Variants in TMEM234 observed in about 807,000 individuals in gnomAD.
TMEM234 encodes transmembrane protein 234, also known as chromosome 1 open reading frame 91.
TMEM234 carries 21 observed loss-of-function variants against 17.8 expected under a neutral mutation model. The observed-to-expected ratio is 1.18, with a 90% CI of 0.84 to 1.70. The LOEUF (loss-of-function observed/expected upper bound fraction) is 1.70. Among genes scored for constraint, TMEM234 ranks in the 40% most tolerant of loss-of-function variants. The pLI, the probability that TMEM234 is intolerant of heterozygous loss-of-function variation, is 0.00. For synonymous variants in TMEM234, 83 were observed against 73.5 expected, an observed-to-expected ratio of 1.13 and a Z score of -0.66; for missense variants, 137 against 166.9, an observed-to-expected ratio of 0.82 and a Z score of 0.99.
chr1:32,221,261 G>T, intron 2 of TMEM234, 64 bp from the exon 3 acceptor site: 1 of 1,292,736 alleles, frequency 7.7e-7, no homozygotes, highest in Non-Finnish European at 1.1e-6. Flanking sequence ...CCTTCTTTGA[G>T]CTCCTAGCGA....
Position 32,222,314 on chromosome 1 carries a change from C to T in TMEM234, c.9G>A (p.Ala3=), listed in dbSNP as rs1182953810. The T allele has an allele frequency of 2.6e-6, 4 of 1,561,806 alleles. No homozygotes were observed. The highest frequency in any genetic ancestry group is 2.6e-6 in the Non-Finnish European group (3 of 1,153,620). ...GCGGGGCCGGCTACCTACCCAGAGACGCCGCCATGGCAACGCCGCTGTCTT... is the reference window on the plus strand; with the variant it reads ...GCGGGGCCGGCTACCTACCCAGAGATGCCGCCATGGCAACGCCGCTGTCTT... The part of the protein sequence containing the change: MA[A]SLGQVLALVL... The change falls in exon 1 of 5, where the codon GCG becomes GCA. Residue 3 remains alanine (A), a synonymous_variant. Coordinates refer to ENST00000309777, the MANE Select transcript of TMEM234 (RefSeq NM_019118.5).
At chr1:32,215,875 C>G (rs1348276936), downstream of TMEM234, 4 of 1,551,928 alleles carry the variant, frequency 2.6e-6, no homozygotes, top group Non-Finnish European at 3.5e-6. Context: ...ATCTCAGCCT[C>G]AGCCCCAGCT....
chr1:32,216,331 G>A lies in TMEM234; in HGVS notation c.*522C>T, dbSNP rs1638377623. On this transcript the variant is annotated 3_prime_UTR_variant, in exon 5 of 5. Transcript: ENST00000309777. ...GGATTTCTGCCTACCTCATGGGTGG[G>A]GCAGGCAAGGCTAATAGACAGCTCA... The A allele has an allele frequency of 1.3e-6, 2 of 1,532,916 alleles. No individual in the cohort carries two copies. The highest frequency in any genetic ancestry group is 1.8e-6 in the Non-Finnish European group (2 of 1,136,604). 95.0% of individuals were successfully genotyped at this position (1,532,916 alleles called of 1,614,324 possible).
intron 3 of TMEM234, among the ~76,000 whole-genome samples, chr1:32,217,756 C>T (rs928343241): frequency 2.0e-5 from 3 of 152,186 alleles, no homozygotes; most frequent in African/African-American, 7.2e-5. Flanking sequence ...GTGTACATAT[C>T]TCAGTTTTCA....
chr1:32,216,623 G>A lies in TMEM234; in HGVS notation c.*230C>T, dbSNP rs1213379267. On this transcript the variant is annotated 3_prime_UTR_variant, in exon 5 of 5. Coordinates refer to ENST00000309777, the MANE Select transcript of TMEM234 (RefSeq NM_019118.5). ...CTGGGGCAGAAAGGTTGCTGAGGGT[G>A]AGCGTAGAGTCTCCTGTGCTAAATC... The A allele has an allele frequency of 6.5e-7, 1 of 1,531,728 alleles. No homozygotes were observed. Among genetic ancestry groups the A allele is most frequent in the Non-Finnish European group, 8.8e-7 (1 of 1,134,188 alleles). 94.9% of individuals were successfully genotyped at this position (1,531,728 alleles called of 1,614,324 possible). A position where few individuals can be genotyped will look rare whatever the true frequency, so the allele number is the denominator to read the frequency against.
chr1:32,221,837 C>G (rs371189310), intron 2 of TMEM234, 30 bp downstream of exon 2: 24 of 1,611,564 alleles, frequency 1.5e-5, no homozygotes, highest in African/African-American at 1.5e-4. Context: ...GGCAACTCCA[C>G]CGAGAGAGGG....
Position 32,216,734 on chromosome 1 carries a change from T to C in TMEM234, c.*119A>G. On this transcript the variant is annotated 3_prime_UTR_variant, in exon 5 of 5. Coordinates refer to ENST00000309777, the MANE Select transcript of TMEM234 (RefSeq NM_019118.5). ...ATCCATGAGGTAGCTGTTATCCCCA[T>C]AAGAGAGGAGGAAGCTAAGGCCAGA... The C allele has an allele frequency of 6.6e-7, 1 of 1,517,922 alleles. No homozygotes were observed. The highest frequency in any genetic ancestry group is 1.3e-5 in the South Asian group (1 of 79,042). The allele number at this position is 1,517,922 out of a possible 1,614,324, so 94.0% of individuals were successfully genotyped here.
intron 2 of TMEM234, among the ~76,000 whole-genome samples, 165 bp downstream of exon 2, chr1:32,221,702 T>C (rs917387021): frequency 2.6e-5 from 4 of 152,130 alleles, no homozygotes; most frequent in Non-Finnish European, 4.4e-5. Flanking sequence ...ATGGTTATTA[T>C]TATAATCGCC....
chr1:32,220,262 C>T (rs938788790), intron 3 of TMEM234, among the ~76,000 whole-genome samples: 3 of 152,168 alleles, frequency 2.0e-5, no homozygotes, highest in African/African-American at 4.8e-5. Context: ...CTGCAACCTC[C>T]GCCTCCCAGG....
In TMEM234 at chr1:32,216,359, T is replaced by C. The variant is rs1232532530; in HGVS notation, c.*494A>G. ...AGGCAAGGCTAATAGACAGCTCATT[T>C]CCTGCATCTGCCACTCCGACGCACC... On this transcript the variant is annotated 3_prime_UTR_variant, in exon 5 of 5. Transcript: ENST00000309777. The C allele has an allele frequency of 6.5e-7, 1 of 1,549,008 alleles. No homozygotes were observed. The highest frequency in any genetic ancestry group is 2.4e-5 in the East Asian group (1 of 40,878).
At chr1:32,215,774 A>G, downstream of TMEM234, 1 of 1,520,110 alleles carries the variant, frequency 6.6e-7, no homozygotes, top group East Asian at 2.5e-5. Context: ...TCACGGCTCC[A>G]TTCTGTATGG....
At position 32,216,461 on chromosome 1, in the gene TMEM234, G is replaced by T; in HGVS notation, c.*392C>A. 1 of 1,551,700 alleles carries T rather than the reference G, an allele frequency of 6.4e-7. No individual in the cohort carries two copies. The highest frequency in any genetic ancestry group is 1.2e-5 in the South Asian group (1 of 84,060). On this transcript the variant is annotated 3_prime_UTR_variant, in exon 5 of 5. Coordinates refer to ENST00000309777, the MANE Select transcript of TMEM234 (RefSeq NM_019118.5). The stretch of plus-strand genomic sequence containing the variant: ...CAGAGGCCTCCCGTTTGCATTTCTG[G>T]CTCAAAGTCTGCAGCTGGCCCTTTC...
Position 32,216,934 on chromosome 1 carries a change from G to T in TMEM234, c.342C>A (p.Gly114=). ...EDIGGKRAVA[G]MVLTVIGISL... is the part of the protein sequence containing the mutation. ...AAATTCCTATCACGGTGAGCACCAT[G>T]CCAGCAACTGCTCCTGGGATAATAG... The change falls in exon 5 of 5, where the codon GGC becomes GGA. Residue 114 remains glycine, a synonymous_variant. Transcript: ENST00000309777. The T allele has an allele frequency of 6.2e-7, 1 of 1,614,154 alleles. No homozygotes were observed. The highest frequency in any genetic ancestry group is 8.5e-7 in the Non-Finnish European group (1 of 1,179,990).
At chr1:32,221,515 GC>G (rs1180545477) in intron 2 of TMEM234, among the ~76,000 whole-genome samples, 1 of 152,062 alleles carries the variant, frequency 6.6e-6, no homozygotes, top group African/African-American at 2.4e-5. Flanking sequence ...CCCCTGCAGG[GC>G]CAATTTGAGC....
At chr1:32,219,131 C>T (rs1367739044) in intron 3 of TMEM234, among the ~76,000 whole-genome samples, 3 of 141,720 alleles carry the variant, frequency 2.1e-5, no homozygotes, top group Non-Finnish European at 4.6e-5. Flanking sequence ...AAAAAAAAAG[C>T]ACCACATACA....
At chr1:32,214,761 A>G (rs1638248504), downstream of TMEM234, 1 of 1,612,054 alleles carries the variant, frequency 6.2e-7, no homozygotes, top group African/African-American at 1.3e-5. Context: ...AAGAATGGCC[A>G]GCAATCAGGG....
downstream of TMEM234, chr1:32,216,169 T>C (rs1420329546): frequency 2.6e-6 from 2 of 777,446 alleles, no homozygotes; most frequent in Non-Finnish European, 4.0e-6. Context: ...AGAGGGTTTG[T>C]CACAATAAAA....
rs760116914 is a variant in TMEM234, at chr1:32,221,876, C to G, written c.159G>C (p.Leu53Phe). ...QLLQEMKTLF[L>F]NTEYLMPFLL... Reference sequence around the variant, plus strand: ...TTTCACAGAGACGCACCTCAGTATTCAAGAAGAGGGTCTTCATCTCCTGTA... The same window carrying G: ...TTTCACAGAGACGCACCTCAGTATTGAAGAAGAGGGTCTTCATCTCCTGTA... Residue 53 changes from leucine to phenylalanine, a missense_variant, in exon 2 of 5, where the codon TTG (leucine) becomes TTC (phenylalanine). Leu to Phe is a conservative substitution (Grantham distance 22). Transcript: ENST00000309777. 1.2e-6 allele frequency: 2 copies of G among 1,613,194 alleles called. No homozygotes were observed. The highest frequency in any genetic ancestry group is 1.1e-5 in the South Asian group (1 of 91,066).
chr1:32,220,366 G>T (rs899981889), intron 3 of TMEM234, among the ~76,000 whole-genome samples: 2 of 152,064 alleles, frequency 1.3e-5, no homozygotes, highest in Admixed American at 6.6e-5. Flanking sequence ...TAGTAGAGAC[G>T]GGGTTTCAGC....
Sources: gnomAD v4.1 joint callset for allele counts (sites outside exome capture counted in the v4.1 genomes callset) on GRCh38, gnomAD v4.1.1 for gene constraint, MANE v1.5 for transcripts, NCBI Gene and HGNC (gene_info 2026-07-23, HGNC 2026-07-21) for gene names.